Variants in DCT observed in about 807,000 individuals in gnomAD.
The protein encoded by DCT is L-dopachrome tautomerase.
DCT carries 47 observed loss-of-function variants against 53.0 expected under a neutral mutation model. That is an observed-to-expected ratio of 0.89 (90% confidence interval 0.70 to 1.13). The LOEUF (loss-of-function observed/expected upper bound fraction) is 1.13, where lower values mean the gene tolerates loss of function less well. DCT is among the 50% of genes most tolerant of loss of function. The probability of loss-of-function intolerance (pLI) is 0.00; values close to 1 mark genes in which losing one functional copy is unlikely to be tolerated. For missense variants in DCT, 669 were observed against 637.4 expected (o/e 1.05, Z -0.53); for synonymous variants, 244 against 237.0 (o/e 1.03, Z -0.27).
intron 3 of DCT, 22 bp from the exon 4 acceptor site, chr13:94,465,821 A>G: frequency 6.2e-7 from 1 of 1,602,384 alleles, no homozygotes; most frequent in Non-Finnish European, 8.5e-7. Context: ...GGGCAGGCCT[A>G]GTCATTTAAT....
chr13:94,477,691 C>T (rs1885187096), intron 1 of DCT, among the ~76,000 whole-genome samples: 1 of 151,994 alleles, frequency 6.6e-6, no homozygotes, highest in Non-Finnish European at 1.5e-5. Context: ...ATTCCTACAC[C>T]AACATCACAG....
chr13:94,506,832 A>G, the DCT span, among the ~76,000 whole-genome samples: 6 of 152,232 alleles, frequency 3.9e-5, no homozygotes, highest in Non-Finnish European at 8.8e-5. Flanking sequence ...AATATCATGT[A>G]CATCCTGTTA....
At chr13:94,456,035 G>A (rs1883392775) in intron 6 of DCT, among the ~76,000 whole-genome samples, 1 of 152,202 alleles carries the variant, frequency 6.6e-6, no homozygotes, top group African/African-American at 2.4e-5. Context: ...TGGCTGAGAC[G>A]ATAGCCAGAA....
intron 6 of DCT, among the ~76,000 whole-genome samples, chr13:94,446,078 G>A (rs1882709584): frequency 1.3e-5 from 2 of 152,190 alleles, no homozygotes; most frequent in Admixed American, 6.5e-5. Flanking sequence ...AGAATGAGAA[G>A]GCAGAGGTGG....
the DCT span, among the ~76,000 whole-genome samples, chr13:94,508,298 C>A: frequency 6.6e-6 from 1 of 152,086 alleles, no homozygotes; most frequent in Admixed American, 6.5e-5. Flanking sequence ...AACACATATT[C>A]GCTAGTAATA....
chr13:94,474,579 T>G (rs1005048953), intron 1 of DCT, among the ~76,000 whole-genome samples: 1 of 152,230 alleles, frequency 6.6e-6, no homozygotes, highest in African/African-American at 2.4e-5. Context: ...GTTCAAAAAC[T>G]ATTTGGTGCG....
At chr13:94,529,505 T>C in the DCT span, among the ~76,000 whole-genome samples, 6 of 152,108 alleles carry the variant, frequency 3.9e-5, no homozygotes, top group Non-Finnish European at 7.3e-5. Flanking sequence ...ACCACACAAC[T>C]ACATGGAAAC....
chr13:94,538,217 T>C, the DCT span, among the ~76,000 whole-genome samples: 1 of 152,264 alleles, frequency 6.6e-6, no homozygotes, highest in Non-Finnish European at 1.5e-5. Context: ...TTACTGAGCC[T>C]GCAGGACCTG....
chr13:94,532,207 CCATTGTGGAAGA>C, the DCT span, among the ~76,000 whole-genome samples: 88 of 152,252 alleles, frequency 5.8e-4, no homozygotes, highest in African/African-American at 2.1e-3. Flanking sequence ...ATTAGTTCAA[CCATTGTGGAAGA>C]CAGTGTGGCG....
chr13:94,453,697 T>G (rs1208466889), intron 6 of DCT, among the ~76,000 whole-genome samples: 2 of 152,188 alleles, frequency 1.3e-5, no homozygotes, highest in East Asian at 3.9e-4. Flanking sequence ...GTTCTTATGA[T>G]AGTGAATAAG....
At chr13:94,526,071 T>C in the DCT span, among the ~76,000 whole-genome samples, 5 of 152,336 alleles carry the variant, frequency 3.3e-5, no homozygotes, top group Admixed American at 3.3e-4. Context: ...TCTTCAAGGC[T>C]TTTAACTCAT....
chr13:94,499,245 C>T, the DCT span, among the ~76,000 whole-genome samples: 1 of 152,162 alleles, frequency 6.6e-6, no homozygotes, highest in African/African-American at 2.4e-5. Context: ...TCCAGACACA[C>T]CATCTTTAAG....
At chr13:94,510,777 C>T in the DCT span, among the ~76,000 whole-genome samples, 4 of 152,172 alleles carry the variant, frequency 2.6e-5, no homozygotes, top group Non-Finnish European at 2.9e-5. Flanking sequence ...TTTTGAGCTC[C>T]AAGCTCACGC....
At chr13:94,527,510 TC>T in the DCT span, among the ~76,000 whole-genome samples, 4 of 152,284 alleles carry the variant, frequency 2.6e-5, no homozygotes, top group South Asian at 8.3e-4. Flanking sequence ...GGAGTGGACT[TC>T]CAGCAAACTC....
chr13:94,468,507 T>C (rs1344956149), intron 2 of DCT: 2 of 422,050 alleles, frequency 4.7e-6, no homozygotes, highest in Non-Finnish European at 8.6e-6. Context: ...AGTTTACACT[T>C]TGAACCAAGA....
the DCT span, among the ~76,000 whole-genome samples, chr13:94,491,338 G>A: frequency 3.9e-5 from 6 of 152,088 alleles, no homozygotes; most frequent in African/African-American, 1.4e-4. Flanking sequence ...TTAATATGAT[G>A]TTCTTCTTGT....
At chr13:94,536,900 C>T in the DCT span, among the ~76,000 whole-genome samples, 2 of 152,092 alleles carry the variant, frequency 1.3e-5, no homozygotes, top group Non-Finnish European at 1.5e-5. Flanking sequence ...GCCAAGATTG[C>T]GCCACTGCAC....
intron 6 of DCT, chr13:94,444,233 G>T: frequency 3.6e-6 from 1 of 277,570 alleles, no homozygotes; most frequent in South Asian, 3.6e-5. Context: ...TTCTCAACTG[G>T]TATAATGCAA....
chr13:94,466,016 AT>A, intron 3 of DCT, among the ~76,000 whole-genome samples: 2 of 81,000 alleles, frequency 2.5e-5, no homozygotes, highest in East Asian at 4.1e-4. Flanking sequence ...ATATATATAT[AT>A]ATATATACTG....
Sources: gnomAD v4.1 joint callset for allele counts (sites outside exome capture counted in the v4.1 genomes callset) on GRCh38, gnomAD v4.1.1 for gene constraint, MANE v1.5 for transcripts, NCBI Gene and HGNC (gene_info 2026-07-23, HGNC 2026-07-21) for gene names.